NAV2: variants seen among roughly 807,000 people sequenced by gnomAD.
NAV2 encodes the protein helicase, APC down-regulated 1.
A neutral mutation model predicts 223.2 loss-of-function variants in NAV2; 54 were observed. The observed-to-expected ratio is 0.24, with a 90% CI of 0.19 to 0.30. The LOEUF is 0.30. Among genes scored for constraint, NAV2 ranks in the 10% least tolerant of loss-of-function variants. NAV2 has a pLI of 1.00. For missense variants in NAV2, 2,806 were observed against 3,147.5 expected (o/e 0.89, Z 2.60); for synonymous variants, 1,279 against 1,239.3 (o/e 1.03, Z -0.67).
intron 2 of NAV2, among the ~76,000 whole-genome samples, chr11:19,836,038 G>C (rs1210137520): frequency 6.6e-6 from 1 of 152,112 alleles, no homozygotes; most frequent in East Asian, 1.9e-4. Context: ...CATTTAGCAT[G>C]GTGCCTTGCA....
rs868823156 is a variant in NAV2, at chr11:19,713,084, C to A, written c.-612C>A. ...AGAGAGACCTTTCGGGGGCTCTTGC[C>A]GCACCTCTGCTGCGTCGCGGGTGAC... On this transcript the variant is annotated 5_prime_UTR_variant, in exon 1 of 38. Transcript: ENST00000349880. The surrounding 1 kb of genome is among the most constrained non-coding windows in gnomAD (Gnocchi z 7.2). Among the ~76,000 whole-genome samples the A allele has an allele frequency of 8.5e-5, 13 of 152,060 alleles. No individual in the cohort carries two copies. The highest frequency in any genetic ancestry group is 4.1e-4 in the South Asian group (2 of 4,822).
At chr11:19,514,596 T>C (rs2043384204) in intron 1 of NAV2, among the ~76,000 whole-genome samples, 1 of 152,160 alleles carries the variant, frequency 6.6e-6, no homozygotes, top group Non-Finnish European at 1.5e-5. Flanking sequence ...TGTTTGACAT[T>C]TAACCTTAGG....
At chr11:19,409,600 G>A (rs1000545905) in intron 1 of NAV2, among the ~76,000 whole-genome samples, 1 of 152,202 alleles carries the variant, frequency 6.6e-6, no homozygotes, top group African/African-American at 2.4e-5. Flanking sequence ...AGGACTCCAA[G>A]ACTGTCTGGT....
intron 1 of NAV2, among the ~76,000 whole-genome samples, chr11:19,588,992 G>A (rs2045976398): frequency 6.6e-6 from 1 of 152,162 alleles, no homozygotes; most frequent in African/African-American, 2.4e-5. Flanking sequence ...ATGGAGATCT[G>A]GGCACAGAGG....
intron 1 of NAV2, among the ~76,000 whole-genome samples, chr11:19,524,059 G>A (rs2043766142): frequency 1.3e-5 from 2 of 152,142 alleles, no homozygotes; most frequent in Non-Finnish European, 2.9e-5. Flanking sequence ...TTCTCTCTTA[G>A]CACTTGTCAA....
intron 1 of NAV2, among the ~76,000 whole-genome samples, chr11:19,568,932 G>GT: frequency 6.6e-6 from 1 of 152,194 alleles, no homozygotes; most frequent in East Asian, 1.9e-4. Context: ...TATGTGACAG[G>GT]CAGCATTGGA....
intron 1 of NAV2, among the ~76,000 whole-genome samples, chr11:19,444,789 G>A (rs565806755): frequency 4.8e-4 from 73 of 152,036 alleles, no homozygotes; most frequent in African/African-American, 1.7e-3. Flanking sequence ...CTGAGAGGTC[G>A]TTTTCAGGCT....
Position 19,933,423 on chromosome 11 carries a change from G to A in NAV2, c.1179G>A (p.Pro393=), listed in dbSNP as rs766901417. 211 of 1,583,822 alleles carry A rather than the reference G, an allele frequency of 1.3e-4. No homozygotes were observed. The highest frequency in any genetic ancestry group is 4.8e-4 in the Admixed American group (26 of 54,552). ...APRPTPEAMK[P]APNNQKSMLE... ...GGCCCACACCTGAAGCCATGAAGCC[G>A]GCCCCCAACAATCAGAAGTCCATGC... The change falls in exon 7 of 38, where the codon CCG becomes CCA. Residue 393 remains proline, a synonymous_variant. Coordinates refer to ENST00000349880, the MANE Select transcript of NAV2 (RefSeq NM_145117.5). This position sits in a 1 kb window ranked among gnomAD's most constrained non-coding sequence, Gnocchi z 4.3.
At chr11:19,709,710 C>T (rs557637050), upstream of NAV2, among the ~76,000 whole-genome samples, 1 of 151,986 alleles carries the variant, frequency 6.6e-6, no homozygotes, top group Admixed American at 6.6e-5. Context: ...TGGCATGCGC[C>T]TGTAATCCCA....
Position 19,406,346 on chromosome 11 carries a change from C to T in NAV2, c.75+55319C>T, listed in dbSNP as rs7937802. ...TAAATGAGGGTCCTGTCTAATAGGA[C>T]GTGGGAAGACTAAACAATACGAATG... On this transcript the variant is annotated intron_variant, in intron 1 of 37. Coordinates refer to the NAV2 transcript ENST00000360655. 8.6e-3 allele frequency among the ~76,000 whole-genome samples: 1,304 copies of T among 152,172 alleles called. 12 individuals are homozygous for T. The highest frequency in any genetic ancestry group is 0.023 in the African/African-American group (960 of 41,486).
intron 11 of NAV2, among the ~76,000 whole-genome samples, chr11:20,025,247 C>T (rs2054933316): frequency 6.6e-6 from 1 of 152,206 alleles, no homozygotes; most frequent in South Asian, 2.1e-4. Context: ...TGGTGCTTAG[C>T]ATGGTACCTG....
intron 1 of NAV2, among the ~76,000 whole-genome samples, chr11:19,620,797 G>C (rs568509145): frequency 1.2e-4 from 18 of 152,202 alleles, no homozygotes; most frequent in Admixed American, 9.8e-4. Context: ...CCAACACTAT[G>C]TTGAATAGGA....
chr11:19,471,710 T>G (rs1354192485), intron 1 of NAV2, among the ~76,000 whole-genome samples: 11 of 152,196 alleles, frequency 7.2e-5, no homozygotes, highest in Admixed American at 6.5e-4. Flanking sequence ...TTTTTGATTT[T>G]CAACCAGCAA....
At chr11:19,783,773 G>A (rs2056915239) in intron 1 of NAV2, among the ~76,000 whole-genome samples, 1 of 152,124 alleles carries the variant, frequency 6.6e-6, no homozygotes, top group South Asian at 2.1e-4. Context: ...AAGGTTGTTA[G>A]GGTTGTTTAG....
intron 11 of NAV2, among the ~76,000 whole-genome samples, chr11:19,988,980 G>T (rs1348263402): frequency 8.5e-5 from 13 of 152,146 alleles, no homozygotes. Context: ...CTTACCAGGT[G>T]GTAGGTCCCC....
chr11:20,114,674 A>G lies in NAV2; in HGVS notation c.7043A>G (p.His2348Arg). 2 of 1,614,160 alleles carry G rather than the reference A, an allele frequency of 1.2e-6. No homozygotes were observed. Among genetic ancestry groups the G allele is most frequent in the Non-Finnish European group, 1.7e-6 (2 of 1,180,028 alleles). The change falls in exon 37 of 38, where the codon CAC becomes CGC. Residue 2348 changes from histidine (H) to arginine (R), a missense_variant. Physicochemically the swap from His to Arg is conservative, Grantham distance 29. This residue lies in a region of NAV2 where 824 missense variants were observed against 1,069.4 expected (regional missense o/e 0.77). Transcript: ENST00000349880. The stretch of plus-strand genomic sequence containing the variant: ...CCATGGGCAGCCAGCCCACAACAGC[A>G]CGAGTGGCCTCCCCTGCTGCAGTTA... ...TYPWAASPQQ[H>R]EWPPLLQLRP...
intron 1 of NAV2, chr11:19,777,748 G>T (rs544270786): frequency 9.6e-6 from 4 of 418,484 alleles, no homozygotes; most frequent in Non-Finnish European, 1.9e-5. Context: ...TTGAAGGGGG[G>T]TGGGACTGGG....
chr11:19,946,351 G>A (rs746954727), intron 8 of NAV2, 50 bp from the exon 9 acceptor site: 3 of 1,529,198 alleles, frequency 2.0e-6, no homozygotes, highest in Non-Finnish European at 2.7e-6. Flanking sequence ...CCCTTATGAA[G>A]CTCATGGTTG....
intron 10 of NAV2, among the ~76,000 whole-genome samples, chr11:19,972,546 A>G (rs898801600): frequency 2.6e-5 from 4 of 152,232 alleles, no homozygotes; most frequent in African/African-American, 7.2e-5. Context: ...GAAACTTAGC[A>G]TAGAAAACCA....
Sources: gnomAD v4.1 joint callset for allele counts (sites outside exome capture counted in the v4.1 genomes callset) on GRCh38, gnomAD v4.1.1 for gene constraint, gnomAD v4.1.1 regional missense constraint, Gnocchi (gnomAD v3.1) non-coding constraint, MANE v1.5 for transcripts, NCBI Gene and HGNC (gene_info 2026-07-23, HGNC 2026-07-21) for gene names.